The following AKNAD1 variants were observed in gnomAD, a reference collection of about 807,000 sequenced individuals.
AKNAD1 encodes the protein protein AKNAD1.
Under a neutral mutation model 90.8 loss-of-function variants are expected in AKNAD1, and 67 were observed. That is an observed-to-expected ratio of 0.74 (90% CI 0.61 to 0.90). The LOEUF is 0.90. Among genes scored for constraint, AKNAD1 ranks in the 40% least tolerant of loss-of-function variants. The pLI is 0.00. For missense variants in AKNAD1, 957 were observed against 975.4 expected, an observed-to-expected ratio of 0.98 and a Z score of 0.25; for synonymous variants, 327 against 341.4, an observed-to-expected ratio of 0.96 and a Z score of 0.46.
intron 5 of AKNAD1, among the ~76,000 whole-genome samples, chr1:108,846,208 CAA>C (rs1314702571): frequency 6.6e-6 from 1 of 152,092 alleles, no homozygotes; most frequent in Non-Finnish European, 1.5e-5. Context: ...TGGCTTTTTT[CAA>C]GACTGAACCA....
intron 13 of AKNAD1, 65 bp downstream of exon 13, chr1:108,823,305 G>T: frequency 2.4e-6 from 3 of 1,252,852 alleles, no homozygotes; most frequent in Non-Finnish European, 3.5e-6. Flanking sequence ...AGTGTCATGT[G>T]AATGTCCCAT....
In AKNAD1 at chr1:108,835,032, G is replaced by C. The variant is rs144741359; in HGVS notation, c.1561C>G (p.Pro521Ala). ...CCACCTGAGCCTCGAGGCCCAGAAG[G>C]GTGGCCGGGGTGCTCCTTGGGAATC... Reference protein sequence around the residue: ...NEIPKEHPGHPSGPRGSGGSE... With the variant: ...NEIPKEHPGHASGPRGSGGSE... Residue 521 changes from proline (P) to alanine (A), a missense_variant, in exon 8 of 16, where the codon CCT (proline) becomes GCT (alanine). Transcript: ENST00000370001. 2 of 1,572,364 alleles carry C rather than the reference G, an allele frequency of 1.3e-6. No individual in the cohort carries two copies. The highest frequency in any genetic ancestry group is 1.7e-6 in the Non-Finnish European group (2 of 1,165,224).
At chr1:108,830,227 C>T (rs187682768) in intron 10 of AKNAD1, among the ~76,000 whole-genome samples, 3 of 152,280 alleles carry the variant, frequency 2.0e-5, no homozygotes, top group African/African-American at 2.4e-5. Flanking sequence ...TGATTCTTAA[C>T]CAAGGGGGCT....
intron 14 of AKNAD1, among the ~76,000 whole-genome samples, chr1:108,819,750 A>C (rs1037677972): frequency 1.2e-5 from 1 of 80,534 alleles, no homozygotes; most frequent in Non-Finnish European, 2.4e-5. Flanking sequence ...TGTCTCTACA[A>C]ATTTTTTTTT....
intron 9 of AKNAD1, 45 bp downstream of exon 9, chr1:108,834,402 C>T: frequency 6.6e-7 from 1 of 1,504,446 alleles, no homozygotes; most frequent in Non-Finnish European, 9.1e-7. Context: ...GTTAAAGAGC[C>T]AACAATGAGA....
intron 6 of AKNAD1, among the ~76,000 whole-genome samples, chr1:108,839,471 T>TAAAAAAAAAAAGAAAAAAA (rs1553203224): frequency 3.2e-5 from 4 of 126,146 alleles, no homozygotes; most frequent in Admixed American, 1.5e-4. Context: ...TCCGTCTCAA[T>TAAAAAAAAAAAGAAAAAAA]AAAAAAAAAA....
chr1:108,849,598 A>G, intron 2 of AKNAD1, 22 bp from the exon 3 acceptor site: 1 of 1,567,418 alleles, frequency 6.4e-7, no homozygotes, highest in Non-Finnish European at 8.8e-7. Context: ...AAGGGTAAGA[A>G]AACGTTACTG....
intron 6 of AKNAD1, among the ~76,000 whole-genome samples, chr1:108,841,930 G>T (rs1436946759): frequency 6.6e-6 from 1 of 152,152 alleles, no homozygotes; most frequent in Non-Finnish European, 1.5e-5. Flanking sequence ...GCCAGGCACA[G>T]TGTGGCTGTA....
Position 108,837,637 on chromosome 1 carries a change from G to A in AKNAD1, c.1449C>T (p.Ser483=). ...LEDVKEKMDE[S]KYTSAPSLPV... ...GAAGGGAAGGAGCTGAAGTATATTT[G>A]CTTTCATCCATTTTCTCTTTAACAT... Residue 483 remains serine (S), a synonymous_variant, in exon 7 of 16, where the codon AGC becomes AGT. Coordinates refer to ENST00000370001, the MANE Select transcript of AKNAD1 (RefSeq NM_152763.5). 6.2e-7 allele frequency: 1 copy of A among 1,614,156 alleles called. No homozygotes were observed. The highest frequency in any genetic ancestry group is 2.2e-5 in the East Asian group (1 of 44,876).
rs1374790703 is a variant in AKNAD1 at position 108,837,572 on chromosome 1, GT to G, written c.1513del (p.Thr505ProfsTer28). On this transcript the variant is annotated frameshift_variant, in exon 7 of 16. Coordinates refer to ENST00000370001, the MANE Select transcript of AKNAD1 (RefSeq NM_152763.5). LOFTEE classifies it high-confidence loss of function. The part of the protein sequence containing the change: ...SPVTLDDLAS[T>X]FSSLSNEIPK... ...TACCTCATTTGAGAGTGAAGAGAAG[GT>G]GGAGGCCAAGTCATCCAGGGTAACT... 1.9e-6 allele frequency: 3 copies of G among 1,614,120 alleles called. No individual in the cohort carries two copies.
chr1:108,829,492 C>T (rs1254892515), intron 10 of AKNAD1, among the ~76,000 whole-genome samples: 1 of 152,052 alleles, frequency 6.6e-6, no homozygotes, highest in African/African-American at 2.4e-5. Flanking sequence ...AATAGTAGGC[C>T]TGGGATGACT....
chr1:108,855,501 A>G (rs1470909732), intron 1 of AKNAD1, among the ~76,000 whole-genome samples: 2 of 147,204 alleles, frequency 1.4e-5, no homozygotes, highest in African/African-American at 5.0e-5. Flanking sequence ...AAAAAAAAAA[A>G]TCAGGCTGGA....
intron 9 of AKNAD1, among the ~76,000 whole-genome samples, chr1:108,832,872 G>C (rs1055491407): frequency 6.6e-6 from 1 of 152,216 alleles, no homozygotes. Context: ...ACATTCCCAC[G>C]CACTGCCCTC....
chr1:108,843,988 G>A (rs1381505592), intron 5 of AKNAD1, among the ~76,000 whole-genome samples: 1 of 152,094 alleles, frequency 6.6e-6, no homozygotes, highest in Admixed American at 6.5e-5. Flanking sequence ...GGCCAGAAGT[G>A]TGAGATTAAA....
chr1:108,819,611 CA>C (rs536865120), intron 14 of AKNAD1, among the ~76,000 whole-genome samples: 4,072 of 151,464 alleles, frequency 0.027, 67 homozygotes, highest in African/African-American at 0.059. Flanking sequence ...GACCCTGCCT[CA>C]AAAAAAATTT....
At chr1:108,825,023 G>A (rs962655104) in intron 11 of AKNAD1, among the ~76,000 whole-genome samples, 4 of 151,656 alleles carry the variant, frequency 2.6e-5, no homozygotes, top group Non-Finnish European at 5.9e-5. Flanking sequence ...TGCTCTGGGG[G>A]AAGCTGGCTG....
chr1:108,837,820 T>A (rs995475434), intron 6 of AKNAD1, 114 bp from the exon 7 acceptor site: 2 of 1,217,792 alleles, frequency 1.6e-6, no homozygotes, highest in African/African-American at 3.0e-5. Flanking sequence ...GCCTGTCTTC[T>A]GTCACAAAGG....
rs751835529 is a variant in AKNAD1, at chr1:108,823,689, C to T, written c.1937-1G>A. The T allele has an allele frequency of 6.2e-7, 1 of 1,613,984 alleles. No individual in the cohort carries two copies. The highest frequency in any genetic ancestry group is 8.5e-7 in the Non-Finnish European group (1 of 1,179,976). On this transcript the variant is annotated splice_acceptor_variant, in intron 11 of 15. Transcript: ENST00000370001. LOFTEE classifies it high-confidence loss of function. ...CAGAAGCTGTGTCCTGTATCAGAAT[C>T]TGAAAAAGCCCAAGTTGCATGAATG...
intron 2 of AKNAD1, among the ~76,000 whole-genome samples, chr1:108,850,630 G>A (rs1222641218): frequency 1.5e-5 from 2 of 133,634 alleles, no homozygotes; most frequent in Non-Finnish European, 3.2e-5. Context: ...AATGGAAATG[G>A]AAATTAAAAA....
Sources: allele counts gnomAD v4.1 joint callset (sites outside exome capture counted in the v4.1 genomes callset), GRCh38; gene constraint gnomAD v4.1.1; transcripts MANE v1.5; gene names NCBI Gene and HGNC (gene_info 2026-07-23, HGNC 2026-07-21).